SND1: variants seen among roughly 807,000 people sequenced by gnomAD.
The protein encoded by SND1 is staphylococcal nuclease domain-containing protein 1.
SND1 carries 38 observed loss-of-function variants against 121.7 expected under a neutral mutation model. That is an observed-to-expected ratio of 0.31 (90% CI 0.24 to 0.41). SND1 has a LOEUF of 0.41. Among genes scored for constraint, SND1 ranks in the 10% least tolerant of loss-of-function variants. The probability of loss-of-function intolerance (pLI) is 1.00; values close to 1 mark genes in which losing one functional copy is unlikely to be tolerated. For missense variants in SND1, 868 were observed against 1,184.6 expected, an observed-to-expected ratio of 0.73 and a Z score of 3.92; for synonymous variants, 401 against 447.4, an observed-to-expected ratio of 0.90 and a Z score of 1.31.
chr7:127,742,851 G>A (rs1796909743), intron 10 of SND1, among the ~76,000 whole-genome samples: 1 of 152,126 alleles, frequency 6.6e-6, no homozygotes, highest in Non-Finnish European at 1.5e-5. Flanking sequence ...AGATGCAAGA[G>A]GGACACACCC....
intron 14 of SND1, among the ~76,000 whole-genome samples, chr7:127,918,507 C>T (rs1281827754): frequency 2.0e-5 from 3 of 152,136 alleles, no homozygotes; most frequent in African/African-American, 4.8e-5. Flanking sequence ...CTTCTATTCA[C>T]CACAATGTGG....
At chr7:127,780,842 G>A (rs1797707085) in intron 10 of SND1, among the ~76,000 whole-genome samples, 1 of 152,248 alleles carries the variant, frequency 6.6e-6, no homozygotes, top group Admixed American at 6.5e-5. Context: ...GAGTTTCACA[G>A]TGCACTGGGG....
chr7:127,911,646 T>C (rs1331108767), intron 14 of SND1, among the ~76,000 whole-genome samples: 1 of 152,084 alleles, frequency 6.6e-6, no homozygotes, highest in Non-Finnish European at 1.5e-5. Flanking sequence ...CTCAGCCTCC[T>C]GAGTAGCTGG....
intron 10 of SND1, among the ~76,000 whole-genome samples, chr7:127,789,858 T>C (rs1797878593): frequency 6.6e-6 from 1 of 152,098 alleles, no homozygotes; most frequent in Non-Finnish European, 1.5e-5. Flanking sequence ...AAAAGAGGAG[T>C]GTCCTCAAAA....
chr7:127,753,057 A>T lies in SND1; in HGVS notation c.1152+31657A>T, dbSNP rs145091070. 1.8e-4 allele frequency among the ~76,000 whole-genome samples: 27 copies of T among 152,288 alleles called. 1 individual carries two copies. In the East Asian group the frequency reaches 5.2e-3, roughly 29 times the overall value. On this transcript the variant is annotated intron_variant, in intron 10 of 23. Transcript: ENST00000354725. The stretch of plus-strand genomic sequence containing the variant: ...GTGGTTTGGCAGCATGGAGATAAAC[A>T]TGGTATTGGCCCAGTGATCTTAACT...
At chr7:127,976,996 G>A (rs1462031788) in intron 15 of SND1, among the ~76,000 whole-genome samples, 3 of 152,174 alleles carry the variant, frequency 2.0e-5, no homozygotes, top group African/African-American at 4.8e-5. Context: ...TCTTGCTGCA[G>A]CATGCTTCCT....
chr7:128,051,680 T>C (rs1195665008), intron 16 of SND1, among the ~76,000 whole-genome samples: 1 of 151,914 alleles, frequency 6.6e-6, no homozygotes, highest in Non-Finnish European at 1.5e-5. Context: ...GTGTAGAATA[T>C]GGGATCCAGG....
At chr7:127,768,015 A>T (rs1228051336) in intron 10 of SND1, among the ~76,000 whole-genome samples, 1 of 152,120 alleles carries the variant, frequency 6.6e-6, no homozygotes, top group Non-Finnish European at 1.5e-5. Context: ...ATTCTGTTCA[A>T]CCCCTTTCCA....
chr7:128,034,423 C>G (rs914746095), intron 16 of SND1, among the ~76,000 whole-genome samples: 13 of 152,286 alleles, frequency 8.5e-5, no homozygotes, highest in Middle Eastern at 3.4e-3. Flanking sequence ...GTAGAGTCAT[C>G]TATTGCCTGA....
At chr7:128,086,896 G>T in intron 20 of SND1, 42 bp from the exon 21 acceptor site, 1 of 1,478,044 alleles carries the variant, frequency 6.8e-7, no homozygotes, top group South Asian at 1.1e-5. Flanking sequence ...GAGCAAGGGG[G>T]CAGCGAGTAT....
intron 10 of SND1, among the ~76,000 whole-genome samples, chr7:127,751,275 C>T (rs1797088656): frequency 6.6e-6 from 1 of 152,078 alleles, no homozygotes; most frequent in Non-Finnish European, 1.5e-5. Flanking sequence ...GCATTCTTAG[C>T]ATTGCTAGGG....
chr7:127,914,210 G>A (rs1484499601), intron 14 of SND1, among the ~76,000 whole-genome samples: 2 of 152,210 alleles, frequency 1.3e-5, no homozygotes, highest in South Asian at 4.2e-4. Flanking sequence ...TACTTCACCC[G>A]CAGTAGAGCC....
At chr7:127,820,122 G>GT (rs1037029294) in intron 11 of SND1, among the ~76,000 whole-genome samples, 8 of 152,184 alleles carry the variant, frequency 5.3e-5, no homozygotes, top group African/African-American at 1.9e-4. Flanking sequence ...TATCTGAAAT[G>GT]TTTAAGTGGT....
At chr7:127,775,407 A>AT (rs1267309671) in intron 10 of SND1, among the ~76,000 whole-genome samples, 1 of 151,616 alleles carries the variant, frequency 6.6e-6, no homozygotes, top group Non-Finnish European at 1.5e-5. Context: ...AACAAATATA[A>AT]TAAAAAAAAC....
chr7:127,987,312 G>A (rs1159590385), intron 15 of SND1, among the ~76,000 whole-genome samples: 3 of 152,246 alleles, frequency 2.0e-5, no homozygotes, highest in East Asian at 3.9e-4. Flanking sequence ...TATTTTTAAC[G>A]TCCATTTTAT....
intron 18 of SND1, 71 bp downstream of exon 18, chr7:128,081,572 T>A: frequency 6.4e-7 from 1 of 1,574,752 alleles, no homozygotes. Flanking sequence ...GTAGGGGGCC[T>A]CTGCCCAGTG....
chr7:127,736,874 T>A (rs1419530180), intron 10 of SND1, among the ~76,000 whole-genome samples: 1 of 152,136 alleles, frequency 6.6e-6, no homozygotes, highest in African/African-American at 2.4e-5. Context: ...GGTGAGATGT[T>A]TTATGGGAAC....
chr7:127,906,898 A>G (rs1157165720), intron 14 of SND1, among the ~76,000 whole-genome samples: 1 of 152,104 alleles, frequency 6.6e-6, no homozygotes, highest in East Asian at 1.9e-4. Context: ...GTCTTGTGAA[A>G]CTTGTCTTCA....
chr7:128,027,533 A>G (rs1270535367), intron 16 of SND1: 1 of 152,246 alleles, frequency 6.6e-6, no homozygotes, highest in Admixed American at 6.5e-5. Context: ...CATCACCACA[A>G]CCAGTTGACA....
Sources: allele counts gnomAD v4.1 joint callset (sites outside exome capture counted in the v4.1 genomes callset), GRCh38; gene constraint gnomAD v4.1.1; transcripts MANE v1.5; gene names NCBI Gene and HGNC (gene_info 2026-07-23, HGNC 2026-07-21).